Variants in MAML2 observed in about 807,000 individuals in gnomAD.
MAML2 encodes mastermind-like protein 2.
MAML2 carries 22 observed loss-of-function variants against 96.1 expected under a neutral mutation model. The ratio of observed to expected loss-of-function variants is 0.23; its 90% CI spans 0.16 to 0.33. MAML2 has a LOEUF of 0.33. Among genes scored for constraint, MAML2 ranks in the 10% least tolerant of loss-of-function variants. The pLI is 1.00. For synonymous variants in MAML2, 561 were observed against 521.3 expected (o/e 1.08, Z -1.04); for missense variants, 1,367 against 1,392.4 (o/e 0.98, Z 0.29).
chr11:96,186,056 A>G, intron 1 of MAML2, among the ~76,000 whole-genome samples: 1 of 152,318 alleles, frequency 6.6e-6, no homozygotes, highest in South Asian at 2.1e-4. Flanking sequence ...TGAGGACCCC[A>G]AGTGTATAGA....
rs149004674 is a variant in MAML2 at position 96,069,339 on chromosome 11, C to A, written c.2139+22553G>T. On this transcript the variant is annotated intron_variant, in intron 2 of 4. Coordinates refer to ENST00000524717, the MANE Select transcript of MAML2 (RefSeq NM_032427.4). ...TCTCCTTTTTCTTCCTTTGTTTTCA[C>A]CTATAGTGACTATTTGAAGCATTTC... Among the ~76,000 whole-genome samples, 467 of 151,430 alleles carry A rather than the reference C, an allele frequency of 3.1e-3. 1 individual carries two copies. Among genetic ancestry groups the A allele is most frequent in the Middle Eastern group, 0.01 (3 of 292 alleles).
chr11:96,008,452 C>A (rs774977221), intron 2 of MAML2, among the ~76,000 whole-genome samples: 1 of 152,152 alleles, frequency 6.6e-6, no homozygotes, highest in Non-Finnish European at 1.5e-5. Flanking sequence ...AAATGATATA[C>A]ATTTGGGACT....
chr11:96,175,025 G>A (rs925327004), intron 1 of MAML2, among the ~76,000 whole-genome samples: 3 of 152,210 alleles, frequency 2.0e-5, no homozygotes, highest in Non-Finnish European at 4.4e-5. Context: ...TTCTTAGCAT[G>A]TTACACAAGC....
At chr11:96,163,074 C>T (rs1861138234) in intron 1 of MAML2, among the ~76,000 whole-genome samples, 1 of 152,206 alleles carries the variant, frequency 6.6e-6, no homozygotes, top group Non-Finnish European at 1.5e-5. Flanking sequence ...TACTCCTATG[C>T]CAAGCAAACT....
intron 2 of MAML2, among the ~76,000 whole-genome samples, chr11:96,067,606 A>G (rs566897843): frequency 1.3e-5 from 2 of 151,756 alleles, no homozygotes; most frequent in Admixed American, 6.6e-5. Context: ...TTTTTAAATC[A>G]TCTTTTAAAC....
intron 2 of MAML2, among the ~76,000 whole-genome samples, chr11:95,997,151 T>C (rs746487574): frequency 1.3e-5 from 2 of 152,190 alleles, no homozygotes; most frequent in African/African-American, 2.4e-5. Context: ...ACATGTTCTT[T>C]TTCTGTTTTT....
intron 2 of MAML2, among the ~76,000 whole-genome samples, chr11:96,042,676 C>T (rs1363063831): frequency 2.0e-5 from 3 of 152,006 alleles, no homozygotes; most frequent in African/African-American, 7.3e-5. Flanking sequence ...TCCTTATTTA[C>T]CTAATGTCAC....
intron 2 of MAML2, among the ~76,000 whole-genome samples, chr11:95,997,969 C>G (rs999182391): frequency 2.0e-5 from 3 of 152,110 alleles, no homozygotes; most frequent in African/African-American, 7.2e-5. Context: ...CCATCCTCAT[C>G]TGTCATTTAA....
chr11:96,203,018 G>GA (rs886913509), intron 1 of MAML2, among the ~76,000 whole-genome samples: 2 of 151,920 alleles, frequency 1.3e-5, no homozygotes, highest in Admixed American at 6.6e-5. Flanking sequence ...TAAATATGTT[G>GA]AAAAAAAGGA....
At chr11:96,216,971 C>A (rs1282399036) in intron 1 of MAML2, among the ~76,000 whole-genome samples, 1 of 152,046 alleles carries the variant, frequency 6.6e-6, no homozygotes, top group Non-Finnish European at 1.5e-5. Flanking sequence ...ATGTAAGAGG[C>A]CATGAAGCAA....
Position 96,269,186 on chromosome 11 carries a change from G to A in MAML2, c.513+72197C>T, listed in dbSNP as rs183820928. Among the ~76,000 whole-genome samples, 458 of 144,458 alleles carry A rather than the reference G, an allele frequency of 3.2e-3. 44 individuals are homozygous for A. The highest frequency in any genetic ancestry group is 2.3e-3 in the Non-Finnish European group (154 of 66,764). The allele number at this position is 144,458 out of a possible 152,430, so 94.8% of individuals were successfully genotyped here. On this transcript the variant is annotated intron_variant, in intron 1 of 4. Coordinates refer to ENST00000524717, the MANE Select transcript of MAML2 (RefSeq NM_032427.4). ...GCCTGTTATTGAAGATGATTAAGAC[G>A]GATGACTTCATGGTGGGCATACTGC... is the stretch of plus-strand genomic sequence containing the variant.
chr11:96,053,077 T>C (rs1859011949), intron 2 of MAML2, among the ~76,000 whole-genome samples: 1 of 152,214 alleles, frequency 6.6e-6, no homozygotes, highest in Non-Finnish European at 1.5e-5. Context: ...CTGTACTAAG[T>C]TTGGGGAACA....
chr11:96,172,511 C>G (rs559915245), intron 1 of MAML2, among the ~76,000 whole-genome samples: 1 of 152,180 alleles, frequency 6.6e-6, no homozygotes, highest in Admixed American at 6.5e-5. Flanking sequence ...CGTCCTCTTA[C>G]GCGAGAAGGA....
chr11:96,020,481 A>C (rs915029462), intron 2 of MAML2, among the ~76,000 whole-genome samples: 5 of 152,246 alleles, frequency 3.3e-5, no homozygotes, highest in African/African-American at 1.2e-4. Flanking sequence ...TTTAATGTGC[A>C]TATGAATCAC....
At chr11:96,315,221 G>GTATA (rs1555039123) in intron 1 of MAML2, among the ~76,000 whole-genome samples, 3 of 151,562 alleles carry the variant, frequency 2.0e-5, no homozygotes, top group African/African-American at 7.3e-5. Flanking sequence ...GTGGGGAATG[G>GTATA]TATTGAAAAA....
intron 1 of MAML2, among the ~76,000 whole-genome samples, chr11:96,159,470 T>C (rs1232683613): frequency 1.0e-5 from 1 of 99,624 alleles, no homozygotes; most frequent in East Asian, 3.9e-4. Context: ...TGGAGTGCAG[T>C]GGTGCGATCT....
At chr11:96,269,693 T>C (rs147689297) in intron 1 of MAML2, among the ~76,000 whole-genome samples, 4 of 143,780 alleles carry the variant, frequency 2.8e-5, no homozygotes, top group Non-Finnish European at 6.0e-5. Flanking sequence ...GTATTTTTTA[T>C]AGAGATGGGG....
intron 1 of MAML2, among the ~76,000 whole-genome samples, chr11:96,331,050 C>G (rs1439723236): frequency 6.6e-6 from 1 of 152,052 alleles, no homozygotes; most frequent in African/African-American, 2.4e-5. Flanking sequence ...TGGGTGGATC[C>G]TTTGAGCCCT....
chr11:96,179,129 A>T (rs1861443136), intron 1 of MAML2, among the ~76,000 whole-genome samples: 1 of 152,190 alleles, frequency 6.6e-6, no homozygotes, highest in Non-Finnish European at 1.5e-5. Flanking sequence ...CTGCCCAGCA[A>T]CATAGTGCTG....
Sources: allele counts gnomAD v4.1 joint callset (sites outside exome capture counted in the v4.1 genomes callset), GRCh38; gene constraint gnomAD v4.1.1; transcripts MANE v1.5; gene names NCBI Gene and HGNC (gene_info 2026-07-23, HGNC 2026-07-21).